DACH2: variants seen among roughly 807,000 people sequenced by gnomAD.
The protein encoded by DACH2 is dachshund homolog 2.
Under a neutral mutation model 35.8 loss-of-function variants are expected in DACH2, and 17 were observed. That is an observed-to-expected ratio of 0.48 (90% CI 0.33 to 0.71). DACH2 has a LOEUF of 0.71. Ranked by LOEUF, DACH2 falls within the 30% of genes least tolerant of loss-of-function variation. The probability of loss-of-function intolerance (pLI) is 0.02; values close to 1 mark genes in which losing one functional copy is unlikely to be tolerated. For missense variants in DACH2, 469 were observed against 472.7 expected (o/e 0.99, Z 0.07); for synonymous variants, 195 against 177.3 (o/e 1.10, Z -0.79).
chrX:86,388,585 A>T (rs1235820881), intron 2 of DACH2, among the ~76,000 whole-genome samples: 1 of 111,728 alleles, frequency 9.0e-6, no homozygotes, highest in Non-Finnish European at 1.9e-5. Flanking sequence ...TGGAAATGCT[A>T]CGTTAATATT....
intron 2 of DACH2, among the ~76,000 whole-genome samples, chrX:86,470,982 C>G (rs2148222154): frequency 9.0e-6 from 1 of 110,969 alleles, no homozygotes; most frequent in Non-Finnish European, 1.9e-5. Context: ...TTTTATTGAA[C>G]TACAAACTGA....
At chrX:86,742,419 T>C (rs1208439164) in intron 7 of DACH2, among the ~76,000 whole-genome samples, 1 of 111,498 alleles carries the variant, frequency 9.0e-6, no homozygotes, top group Non-Finnish European at 1.9e-5. Context: ...TATATTTGTA[T>C]ATATTGATTA....
intron 1 of DACH2, among the ~76,000 whole-genome samples, chrX:86,328,577 GA>G (rs2035157062): frequency 9.0e-6 from 1 of 111,344 alleles, no homozygotes; most frequent in African/African-American, 3.3e-5. Context: ...GCAGAAGTTG[GA>G]AAAAGCAACA....
chrX:86,159,723 T>C (rs2030678333), intron 1 of DACH2, among the ~76,000 whole-genome samples: 1 of 111,793 alleles, frequency 8.9e-6, no homozygotes, highest in Non-Finnish European at 1.9e-5. Context: ...CTCCAGATTA[T>C]CTAGGTTGAG....
chrX:86,610,907 C>A (rs1472361656), intron 3 of DACH2, among the ~76,000 whole-genome samples: 3 of 111,196 alleles, frequency 2.7e-5, no homozygotes, highest in Non-Finnish European at 5.7e-5. Flanking sequence ...GCTCCCCCAC[C>A]CTGTAGCTAA....
intron 7 of DACH2, chrX:86,799,225 A>G (rs1446737003): frequency 8.9e-6 from 2 of 225,864 alleles, no homozygotes; most frequent in Non-Finnish European, 8.5e-6. Flanking sequence ...TGCCACTGGC[A>G]TCTTCCCAGC....
At chrX:86,313,580 C>T (rs1466171461) in intron 1 of DACH2, among the ~76,000 whole-genome samples, 2 of 112,260 alleles carry the variant, frequency 1.8e-5, no homozygotes, top group East Asian at 2.8e-4. Context: ...TCAAACATCA[C>T]TTTCCTCACT....
At position 86,348,526 on chromosome X, in the gene DACH2, G is replaced by A. The variant is rs1371529012; in HGVS notation, c.489-28298G>A. 5.4e-5 allele frequency among the ~76,000 whole-genome samples: 6 copies of A among 111,660 alleles called. No homozygotes were observed. In the East Asian group the frequency reaches 1.7e-3, roughly 32 times the overall value. ...ACTATTACTGATGCATTTTGTTACA[G>A]AATCAGTCAGCCATATACATCATCT... On this transcript the variant is annotated intron_variant, in intron 1 of 11. Coordinates refer to ENST00000373125, the MANE Select transcript of DACH2 (RefSeq NM_053281.3).
chrX:86,641,097 AG>A (rs1251212338), intron 3 of DACH2, among the ~76,000 whole-genome samples: 1 of 112,154 alleles, frequency 8.9e-6, no homozygotes, highest in Admixed American at 9.5e-5. Context: ...GTTCTTAACA[AG>A]GCAAAACTGC....
intron 1 of DACH2, among the ~76,000 whole-genome samples, chrX:86,251,869 G>C (rs1440208184): frequency 6.3e-5 from 7 of 111,699 alleles, no homozygotes; most frequent in Admixed American, 4.8e-4. Flanking sequence ...TAGTGGAATT[G>C]CTGGGTCAAA....
chrX:86,455,512 A>G (rs2037459985), intron 2 of DACH2, among the ~76,000 whole-genome samples: 1 of 111,953 alleles, frequency 8.9e-6, no homozygotes, highest in African/African-American at 3.2e-5. Flanking sequence ...AGGGTCCCAG[A>G]CCAGTGAAGA....
At chrX:86,653,663 C>CT (rs34499664) in intron 4 of DACH2, among the ~76,000 whole-genome samples, 4,587 of 69,605 alleles carry the variant, frequency 0.066, 192 homozygotes, top group African/African-American at 0.078. Context: ...ATATAAAATC[C>CT]TTTTTTTTTT....
At chrX:86,692,113 T>A (rs2041016355) in intron 4 of DACH2, among the ~76,000 whole-genome samples, 1 of 111,590 alleles carries the variant, frequency 9.0e-6, no homozygotes, top group African/African-American at 3.3e-5. Context: ...TCTAGAATGT[T>A]CCACACTCCT....
At chrX:86,517,804 C>G (rs1227089219) in intron 3 of DACH2, among the ~76,000 whole-genome samples, 3 of 111,775 alleles carry the variant, frequency 2.7e-5, no homozygotes. Context: ...AGACCTTTGT[C>G]AGATGCATAG....
chrX:86,460,137 G>A (rs1232038287), intron 2 of DACH2, among the ~76,000 whole-genome samples: 1 of 110,462 alleles, frequency 9.1e-6, no homozygotes, highest in Non-Finnish European at 1.9e-5. Flanking sequence ...AAATTACTGT[G>A]ATTTCTTAAC....
chrX:86,477,029 T>G (rs1227890578), intron 2 of DACH2, among the ~76,000 whole-genome samples: 2 of 110,668 alleles, frequency 1.8e-5, no homozygotes, highest in Non-Finnish European at 3.8e-5. Context: ...AGTATTTGAA[T>G]TTTTTGAATA....
chrX:86,399,544 G>A (rs1408606431), intron 2 of DACH2, among the ~76,000 whole-genome samples: 9 of 111,793 alleles, frequency 8.1e-5, no homozygotes, highest in Non-Finnish European at 1.3e-4. Flanking sequence ...CATGTTTAGT[G>A]CTTCCTTCAG....
intron 2 of DACH2, among the ~76,000 whole-genome samples, chrX:86,466,833 C>T (rs865953353): frequency 3.6e-5 from 4 of 111,223 alleles, no homozygotes; most frequent in African/African-American, 1.3e-4. Flanking sequence ...GAAGCCACGT[C>T]CCCAGCTCTA....
intron 3 of DACH2, among the ~76,000 whole-genome samples, chrX:86,558,199 T>A (rs1248959323): frequency 2.4e-5 from 1 of 41,549 alleles, no homozygotes; most frequent in Admixed American, 2.1e-4. Context: ...GAGATAATCA[T>A]GTGGTTTTTG....
Sources: gnomAD v4.1 joint callset for allele counts (sites outside exome capture counted in the v4.1 genomes callset) on GRCh38, gnomAD v4.1.1 for gene constraint, MANE v1.5 for transcripts, NCBI Gene and HGNC (gene_info 2026-07-23, HGNC 2026-07-21) for gene names.